DYM: variants seen among roughly 807,000 people sequenced by gnomAD.
DYM encodes dyggve-Melchior-Clausen syndrome protein.
In DYM, 78 loss-of-function variants were observed where a neutral mutation model predicts 93.1. The observed-to-expected ratio is 0.84, with a 90% CI of 0.70 to 1.01. The LOEUF (loss-of-function observed/expected upper bound fraction) is 1.01. DYM is among the 50% of genes least tolerant of loss of function. The probability of loss-of-function intolerance (pLI) is 0.00; values close to 1 mark genes in which losing one functional copy is unlikely to be tolerated. For synonymous variants in DYM, 321 were observed against 319.7 expected, an observed-to-expected ratio of 1.00 and a Z score of -0.04; for missense variants, 789 against 845.0, an observed-to-expected ratio of 0.93 and a Z score of 0.82.
intron 3 of DYM, among the ~76,000 whole-genome samples, chr18:49,384,322 CAAAAAAAAA>C (rs398032777): frequency 1.5e-4 from 10 of 65,844 alleles, no homozygotes; most frequent in Non-Finnish European, 2.5e-4. Flanking sequence ...ACCATGTCTC[CAAAAAAAAA>C]AAAAAAAAAA....
intron 1 of DYM, among the ~76,000 whole-genome samples, chr18:49,460,136 G>T (rs1034587544): frequency 1.3e-5 from 2 of 152,158 alleles, no homozygotes; most frequent in Non-Finnish European, 2.9e-5. Flanking sequence ...GACCAACACC[G>T]CCCCATCTCC....
At chr18:49,134,139 G>A (rs867184184) in intron 15 of DYM, among the ~76,000 whole-genome samples, 1 of 152,144 alleles carries the variant, frequency 6.6e-6, no homozygotes, top group Non-Finnish European at 1.5e-5. Context: ...AAGAATCTGG[G>A]TGGTAGGTAT....
intron 14 of DYM, among the ~76,000 whole-genome samples, chr18:49,204,475 T>A (rs1291401426): frequency 6.6e-6 from 1 of 152,242 alleles, no homozygotes; most frequent in African/African-American, 2.4e-5. Context: ...CAGCAAAGTA[T>A]GTGAAGTAAA....
intron 17 of DYM, among the ~76,000 whole-genome samples, chr18:49,078,790 A>C (rs1360802689): frequency 6.6e-6 from 1 of 152,198 alleles, no homozygotes; most frequent in African/African-American, 2.4e-5. Flanking sequence ...ATTTACTTAG[A>C]TATTTACTAC....
intron 13 of DYM, among the ~76,000 whole-genome samples, chr18:49,220,580 G>C (rs1254291209): frequency 6.6e-6 from 1 of 151,550 alleles, no homozygotes; most frequent in African/African-American, 2.4e-5. Context: ...GAACAGAACA[G>C]AGCCCTCAGA....
chr18:49,041,809 T>G lies in DYM; in HGVS notation c.*2246A>C, dbSNP rs924545055. On this transcript the variant is annotated 3_prime_UTR_variant, in exon 18 of 18. Coordinates refer to ENST00000675505, the MANE Select transcript of DYM (RefSeq NM_001353214.3). ...AGGCCTTCCTTGGGAGTGTGCCCTCTGTCAAGATGACTGGGTTTTTGAAGG... is the reference window on the plus strand; with the variant it reads ...AGGCCTTCCTTGGGAGTGTGCCCTCGGTCAAGATGACTGGGTTTTTGAAGG... 2.0e-5 allele frequency: 3 copies of G among 152,198 alleles called. No homozygotes were observed. Among genetic ancestry groups the G allele is most frequent in the Non-Finnish European group, 1.5e-5 (1 of 68,062 alleles). 9.4% of individuals were successfully genotyped at this position (152,198 alleles called of 1,614,324 possible). A position where few individuals can be genotyped will look rare whatever the true frequency, so the allele number is the denominator to read the frequency against.
chr18:49,113,529 GT>G (rs1319241055), intron 16 of DYM, among the ~76,000 whole-genome samples: 1 of 152,168 alleles, frequency 6.6e-6, no homozygotes, highest in African/African-American at 2.4e-5. Flanking sequence ...GAGATACTGA[GT>G]GCTGCTAAAT....
At chr18:49,208,228 A>T (rs901730564) in intron 14 of DYM, among the ~76,000 whole-genome samples, 3 of 151,612 alleles carry the variant, frequency 2.0e-5, no homozygotes, top group Admixed American at 1.3e-4. Flanking sequence ...GACGTCAATT[A>T]TCCTGCACAT....
chr18:49,179,653 A>G (rs1464781930), intron 14 of DYM, among the ~76,000 whole-genome samples: 3 of 152,110 alleles, frequency 2.0e-5, no homozygotes, highest in Non-Finnish European at 4.4e-5. Flanking sequence ...GTCTTTAGAG[A>G]AATCATTGTC....
At position 49,384,322 on chromosome 18, in the gene DYM, CAA is replaced by C. The variant is rs398032777; in HGVS notation, c.194-4566_194-4565del. Among the ~76,000 whole-genome samples the C allele has an allele frequency of 2.9e-3, 189 of 65,820 alleles. 1 individual carries two copies. Among genetic ancestry groups the C allele is most frequent in the African/African-American group, 6.1e-3 (96 of 15,666 alleles). The allele number at this position is 65,820 out of a possible 152,430, so 43.2% of individuals were successfully genotyped here. A position where few individuals can be genotyped will look rare whatever the true frequency, so the allele number is the denominator to read the frequency against. On this transcript the variant is annotated intron_variant, in intron 3 of 17. Transcript: ENST00000675505. Reference sequence around the variant, plus strand: ...GAGCGACAGAGTGAGACCATGTCTCCAAAAAAAAAAAAAAAAAAAAAGGCTGG... The same window carrying C: ...GAGCGACAGAGTGAGACCATGTCTCCAAAAAAAAAAAAAAAAAAAGGCTGG...
intron 17 of DYM, among the ~76,000 whole-genome samples, chr18:49,069,356 T>G (rs1407124527): frequency 1.3e-5 from 2 of 152,196 alleles, no homozygotes; most frequent in Non-Finnish European, 2.9e-5. Context: ...TGAGCCTTCT[T>G]TGGGCTTAGG....
intron 8 of DYM, among the ~76,000 whole-genome samples, chr18:49,306,835 G>A (rs76267716): frequency 2.0e-5 from 3 of 152,128 alleles, no homozygotes; most frequent in South Asian, 2.1e-4. Flanking sequence ...AAGATTCTTC[G>A]TGTAATTCAC....
At chr18:49,071,721 AG>A (rs1191942205) in intron 17 of DYM, among the ~76,000 whole-genome samples, 1 of 152,214 alleles carries the variant, frequency 6.6e-6, no homozygotes, top group Non-Finnish European at 1.5e-5. Flanking sequence ...GCCGCTCCAA[AG>A]GGGGAAAAAA....
intron 9 of DYM, among the ~76,000 whole-genome samples, chr18:49,283,262 CA>C (rs2095036706): frequency 6.6e-6 from 1 of 152,122 alleles, no homozygotes; most frequent in African/African-American, 2.4e-5. Flanking sequence ...TAAGTCCAGC[CA>C]TTGCAGGTTG....
intron 8 of DYM, among the ~76,000 whole-genome samples, chr18:49,324,138 C>CAAAAAAAAAAAAAAA (rs59640889): frequency 1.3e-4 from 7 of 54,436 alleles, no homozygotes; most frequent in Non-Finnish European, 1.6e-4. Context: ...GGCTCTGTCT[C>CAAAAAAAAAAAAAAA]AAAAAAAAAA....
At chr18:49,386,801 C>T (rs2068667384) in intron 3 of DYM, among the ~76,000 whole-genome samples, 1 of 152,134 alleles carries the variant, frequency 6.6e-6, no homozygotes, top group African/African-American at 2.4e-5. Context: ...GCTTCAAAGA[C>T]ATGGCATTTT....
chr18:49,202,521 C>T (rs1485998207), intron 14 of DYM, among the ~76,000 whole-genome samples: 3 of 134,638 alleles, frequency 2.2e-5, no homozygotes, highest in Non-Finnish European at 3.2e-5. Flanking sequence ...CGTCTCCGCC[C>T]GGCCGCCATC....
In DYM at chr18:49,292,624, A is replaced by AAAAAAAAAAC. The variant is rs1568189068; in HGVS notation, c.764-6009_764-6008insGTTTTTTTTT. On this transcript the variant is annotated intron_variant, in intron 8 of 17. Coordinates refer to ENST00000675505, the MANE Select transcript of DYM (RefSeq NM_001353214.3). ...AAAAAAAAAAAAAAAAAAAAAAAAA[A>AAAAAAAAAAC]ACCCCCACAAAAACCTGTCCACCAG... Among the ~76,000 whole-genome samples, 28 of 65,038 alleles carry AAAAAAAAAAC rather than the reference A, an allele frequency of 4.3e-4. 2 individuals carry two copies. Among genetic ancestry groups the AAAAAAAAAAC allele is most frequent in the South Asian group, 3.2e-3 (6 of 1,870 alleles). 42.7% of individuals were successfully genotyped at this position (65,038 alleles called of 152,430 possible). A position where few individuals can be genotyped will look rare whatever the true frequency, so the allele number is the denominator to read the frequency against.
At chr18:49,328,294 G>T (rs923563482) in intron 8 of DYM, among the ~76,000 whole-genome samples, 2 of 152,176 alleles carry the variant, frequency 1.3e-5, no homozygotes, top group Non-Finnish European at 2.9e-5. Context: ...TAGAGGAAAA[G>T]ATCGCATCTA....
Sources: gnomAD v4.1 joint callset for allele counts (sites outside exome capture counted in the v4.1 genomes callset) on GRCh38, gnomAD v4.1.1 for gene constraint, MANE v1.5 for transcripts, NCBI Gene and HGNC (gene_info 2026-07-23, HGNC 2026-07-21) for gene names.